The following ERBB4 variants were observed in gnomAD, a reference collection of about 807,000 sequenced individuals.
The protein encoded by ERBB4 is erb-b2 receptor tyrosine kinase 4, also known as receptor tyrosine-protein kinase erbB-4.
In ERBB4, 42 loss-of-function variants were observed where a neutral mutation model predicts 158.0. That is an observed-to-expected ratio of 0.27 (90% CI 0.21 to 0.34). The LOEUF (loss-of-function observed/expected upper bound fraction) is 0.34. Among genes scored for constraint, ERBB4 ranks in the 10% least tolerant of loss-of-function variants. ERBB4 has a pLI of 1.00. For missense variants in ERBB4, 1,333 were observed against 1,624.1 expected (o/e 0.82, Z 3.08); for synonymous variants, 583 against 558.7 (o/e 1.04, Z -0.61).
intron 25 of ERBB4, among the ~76,000 whole-genome samples, chr2:211,415,113 T>G (rs1349135032): frequency 8.1e-5 from 9 of 111,760 alleles, no homozygotes; most frequent in Non-Finnish European, 1.3e-4. Context: ...TTTTCTTTTT[T>G]TTTTTTTTTT....
At chr2:212,362,209 CTT>C (rs2089714118) in intron 1 of ERBB4, among the ~76,000 whole-genome samples, 1 of 151,360 alleles carries the variant, frequency 6.6e-6, no homozygotes, top group South Asian at 2.1e-4. Context: ...AAAAGTATGA[CTT>C]TCAAATCTGT....
chr2:211,652,197 C>T (rs1559382722), intron 16 of ERBB4, among the ~76,000 whole-genome samples: 2 of 152,114 alleles, frequency 1.3e-5, no homozygotes. Flanking sequence ...CCCTATAATT[C>T]TGTGATAACC....
intron 2 of ERBB4, among the ~76,000 whole-genome samples, chr2:212,038,949 T>C (rs2077077275): frequency 6.6e-6 from 1 of 152,146 alleles, no homozygotes; most frequent in Non-Finnish European, 1.5e-5. Context: ...GCATTTGTGA[T>C]ATAGGTTTTG....
At chr2:211,609,181 G>T (rs1425860121) in intron 19 of ERBB4, among the ~76,000 whole-genome samples, 3 of 152,090 alleles carry the variant, frequency 2.0e-5, no homozygotes, top group Non-Finnish European at 2.9e-5. Context: ...CCCAGACAGA[G>T]CATACAAATG....
chr2:212,223,876 A>T (rs1272854379), intron 1 of ERBB4, among the ~76,000 whole-genome samples: 1 of 151,874 alleles, frequency 6.6e-6, no homozygotes, highest in African/African-American at 2.4e-5. Flanking sequence ...CAAAGCCTGG[A>T]AAATGAATCC....
intron 20 of ERBB4, among the ~76,000 whole-genome samples, chr2:211,545,694 G>C (rs1487012361): frequency 6.6e-6 from 1 of 151,946 alleles, no homozygotes; most frequent in South Asian, 2.1e-4. Context: ...ATGCTAATGT[G>C]CTTGCTTGGG....
chr2:211,436,740 C>T (rs1426928268), intron 20 of ERBB4, among the ~76,000 whole-genome samples: 8 of 152,112 alleles, frequency 5.3e-5, no homozygotes, highest in African/African-American at 1.9e-4. Flanking sequence ...ATACTTATAA[C>T]CTACCCATCA....
At position 211,619,253 on chromosome 2, in the gene ERBB4, T is replaced by C. The variant is rs2125847482; in HGVS notation, c.2225A>G (p.Glu742Gly). 6.2e-7 allele frequency: 1 copy of C among 1,611,326 alleles called. No individual in the cohort carries two copies. The highest frequency in any genetic ancestry group is 1.1e-5 in the South Asian group (1 of 91,028). ...AATAGCCACAGGAATCTTCACAGTT[T>C]CTCCTTCAGGTACCCAAATACCCTT... The part of the protein sequence containing the change: ...VYKGIWVPEG[E>G]TVKIPVAIKI... Residue 742 changes from glutamate to glycine, a missense_variant, in exon 19 of 28, where the codon GAA becomes GGA. Physicochemically the swap from Glu to Gly is moderately conservative, Grantham distance 98. This residue lies in a region of ERBB4 where 314 missense variants were observed against 437.6 expected (regional missense o/e 0.72). Coordinates refer to ENST00000342788, the MANE Select transcript of ERBB4 (RefSeq NM_005235.3).
intron 1 of ERBB4, among the ~76,000 whole-genome samples, chr2:212,153,170 G>A (rs928451491): frequency 9.2e-5 from 14 of 152,268 alleles, no homozygotes; most frequent in Middle Eastern, 3.4e-3. Flanking sequence ...AAGCTTCATC[G>A]TCATTTGCAT....
At chr2:212,079,301 G>A (rs529749931) in intron 2 of ERBB4, among the ~76,000 whole-genome samples, 3 of 151,550 alleles carry the variant, frequency 2.0e-5, no homozygotes, top group South Asian at 2.1e-4. Flanking sequence ...ATTCTTAATC[G>A]CTCTATTTTT....
chr2:211,545,952 A>G (rs2066929810), intron 20 of ERBB4, among the ~76,000 whole-genome samples: 1 of 152,056 alleles, frequency 6.6e-6, no homozygotes, highest in Non-Finnish European at 1.5e-5. Context: ...AAAATCCTTG[A>G]CCGAGAGCCA....
intron 3 of ERBB4, among the ~76,000 whole-genome samples, chr2:211,906,702 C>G (rs554690260): frequency 2.0e-5 from 3 of 151,444 alleles, no homozygotes. Context: ...TCTCCCTCCT[C>G]CCACCCTCTA....
At chr2:212,139,351 C>A (rs1235199151) in intron 1 of ERBB4, among the ~76,000 whole-genome samples, 1 of 151,958 alleles carries the variant, frequency 6.6e-6, no homozygotes, top group Non-Finnish European at 1.5e-5. Context: ...TGCTAGTATA[C>A]AATATTTGCA....
intron 15 of ERBB4, among the ~76,000 whole-genome samples, chr2:211,662,386 T>C (rs1485211494): frequency 6.6e-6 from 1 of 152,190 alleles, no homozygotes; most frequent in African/African-American, 2.4e-5. Context: ...TTCCTAAGTT[T>C]TAAATTCTTG....
chr2:212,462,178 C>T (rs1204864657), intron 1 of ERBB4, among the ~76,000 whole-genome samples: 1 of 152,052 alleles, frequency 6.6e-6, no homozygotes, highest in South Asian at 2.1e-4. Flanking sequence ...GGAGAAACAA[C>T]ACTTCAAGAC....
intron 20 of ERBB4, among the ~76,000 whole-genome samples, chr2:211,546,897 C>T (rs1465701151): frequency 6.6e-6 from 1 of 151,976 alleles, no homozygotes; most frequent in African/African-American, 2.4e-5. Context: ...AAATACTGAT[C>T]GTGACAAGGC....
chr2:211,383,795 A>C lies in ERBB4; in HGVS notation c.3747T>G (p.Pro1249=), dbSNP rs778940576. 2.5e-5 allele frequency: 40 copies of C among 1,614,130 alleles called. No individual in the cohort carries two copies. The highest frequency in any genetic ancestry group is 3.4e-5 in the Non-Finnish European group (40 of 1,180,018). The change falls in exon 28 of 28, where the codon CCT becomes CCG. Residue 1249 remains proline, a synonymous_variant. Coordinates refer to ENST00000342788, the MANE Select transcript of ERBB4 (RefSeq NM_005235.3). The part of the protein sequence containing the change: ...NPDYWNHSLP[P]RSTLQHPDYL... The stretch of plus-strand genomic sequence containing the variant: ...AGTCTGGGTGCTGAAGGGTGCTCCG[A>C]GGTGGCAGGCTGTGGTTCCAGTAGT...
chr2:211,387,221 C>T, intron 26 of ERBB4, 71 bp from the exon 27 acceptor site: 2 of 1,200,312 alleles, frequency 1.7e-6, no homozygotes, highest in South Asian at 1.2e-5. Flanking sequence ...TGTTAATAGC[C>T]ACAAGGATAT....
chr2:212,474,064 G>T (rs770204818), intron 1 of ERBB4, among the ~76,000 whole-genome samples: 1 of 151,992 alleles, frequency 6.6e-6, no homozygotes, highest in Non-Finnish European at 1.5e-5. Flanking sequence ...TCATAAAATA[G>T]ATAACGAACA....
Sources: allele counts gnomAD v4.1 joint callset (sites outside exome capture counted in the v4.1 genomes callset), GRCh38; gene constraint gnomAD v4.1.1; regional missense constraint gnomAD v4.1.1; transcripts MANE v1.5; gene names NCBI Gene and HGNC (gene_info 2026-07-23, HGNC 2026-07-21).